Variants in LIPA observed in about 807,000 individuals in gnomAD.
LIPA encodes lysosomal acid lipase/cholesteryl ester hydrolase.
A neutral mutation model predicts 40.6 loss-of-function variants in LIPA; 26 were observed. The ratio of observed to expected loss-of-function variants is 0.64; its 90% CI spans 0.47 to 0.89. The LOEUF is 0.89. Ranked by LOEUF, LIPA falls within the 40% of genes least tolerant of loss-of-function variation. The probability of loss-of-function intolerance (pLI) is 0.00; values close to 1 mark genes in which losing one functional copy is unlikely to be tolerated. For missense variants in LIPA, 455 were observed against 479.6 expected, an observed-to-expected ratio of 0.95 and a Z score of 0.48; for synonymous variants, 188 against 168.4, an observed-to-expected ratio of 1.12 and a Z score of -0.90.
intron 1 of LIPA, among the ~76,000 whole-genome samples, chr10:89,248,107 C>T (rs1000475452): frequency 6.6e-6 from 1 of 151,350 alleles, no homozygotes; most frequent in Non-Finnish European, 1.5e-5. Context: ...CTTCGTGATT[C>T]GCCCACCTCG....
chr10:89,346,477 T>G (rs996765679), upstream of LIPA, among the ~76,000 whole-genome samples: 4 of 152,240 alleles, frequency 2.6e-5, no homozygotes, highest in Non-Finnish European at 5.9e-5. Flanking sequence ...CAACTAGAGT[T>G]TGATGAATAA....
chr10:89,348,196 T>C (rs1437074366), intron 2 of LIPA, among the ~76,000 whole-genome samples: 2 of 152,302 alleles, frequency 1.3e-5, no homozygotes, highest in Middle Eastern at 3.4e-3. Context: ...AAAGACAGCG[T>C]GGGAAGATTT....
intron 1 of LIPA, among the ~76,000 whole-genome samples, chr10:89,331,986 A>G (rs1220133579): frequency 1.3e-5 from 2 of 151,964 alleles, no homozygotes; most frequent in Non-Finnish European, 2.9e-5. Flanking sequence ...TAATCCCAGC[A>G]CTTTGGGAGG....
intron 3 of LIPA, among the ~76,000 whole-genome samples, chr10:89,235,325 A>G (rs1842891246): frequency 6.6e-6 from 1 of 152,184 alleles, no homozygotes; most frequent in Admixed American, 6.5e-5. Context: ...TGGCTCTGGG[A>G]GTTCTGTGCA....
At chr10:89,224,726 A>G (rs1383579734) in intron 6 of LIPA, among the ~76,000 whole-genome samples, 2 of 152,108 alleles carry the variant, frequency 1.3e-5, no homozygotes, top group Non-Finnish European at 2.9e-5. Flanking sequence ...GGCTTTTGGG[A>G]ACATTTCCTA....
chr10:89,290,033 G>A (rs1253464330), intron 1 of LIPA, among the ~76,000 whole-genome samples: 2 of 151,426 alleles, frequency 1.3e-5, no homozygotes, highest in Admixed American at 1.3e-4. Flanking sequence ...CACATGAAGA[G>A]TGCTGTTTTT....
intron 1 of LIPA, among the ~76,000 whole-genome samples, chr10:89,294,374 C>T (rs775100133): frequency 2.0e-5 from 3 of 152,158 alleles, no homozygotes; most frequent in Non-Finnish European, 4.4e-5. Flanking sequence ...CTGGAAAGTC[C>T]AAGATCAAGG....
At chr10:89,335,467 A>G (rs143827883) in intron 1 of LIPA, 167 of 151,882 alleles carry the variant, frequency 1.1e-3, no homozygotes, top group African/African-American at 3.9e-3. Flanking sequence ...CAGAGGGAGA[A>G]TCTTGAGCTA....
intron 1 of LIPA, among the ~76,000 whole-genome samples, chr10:89,341,402 G>A (rs1030254234): frequency 1.3e-5 from 2 of 152,206 alleles, no homozygotes; most frequent in African/African-American, 4.8e-5. Context: ...GTCAGACCTG[G>A]ACAGCAAAGG....
At chr10:89,312,484 T>C (rs1024979607) in intron 1 of LIPA, among the ~76,000 whole-genome samples, 1 of 152,084 alleles carries the variant, frequency 6.6e-6, no homozygotes, top group Non-Finnish European at 1.5e-5. Flanking sequence ...AAAGACTTTC[T>C]AGAATCACTT....
rs551102045 is a variant in LIPA at position 89,280,329 on chromosome 10, C to T, written c.-1-32680G>A. ...AAAAAACAAAAGGAAGAATCTCCCT[C>T]CATAGTCAGGTAAAAAGTGAACGTG... is the stretch of plus-strand genomic sequence containing the variant. On this transcript the variant is annotated intron_variant, in intron 1 of 5. Transcript: ENST00000282673. Among the ~76,000 whole-genome samples the T allele has an allele frequency of 1.6e-4, 25 of 152,272 alleles. 1 individual carries two copies. The South Asian group carries it at 5.0e-3, about 30-fold the overall frequency.
intron 4 of LIPA, 82 bp from the exon 5 acceptor site, chr10:89,227,086 T>C: frequency 1.1e-6 from 1 of 905,934 alleles, no homozygotes; most frequent in Non-Finnish European, 1.9e-6. Flanking sequence ...GTTTGATGAG[T>C]TATCACAAAC....
At chr10:89,285,709 C>A (rs1258721696) in intron 1 of LIPA, among the ~76,000 whole-genome samples, 1 of 151,840 alleles carries the variant, frequency 6.6e-6, no homozygotes, top group African/African-American at 2.4e-5. Flanking sequence ...GGGCAAGGAC[C>A]CCCTACCCCT....
At chr10:89,324,130 A>G (rs1325896554) in intron 1 of LIPA, among the ~76,000 whole-genome samples, 2 of 152,174 alleles carry the variant, frequency 1.3e-5, no homozygotes, top group African/African-American at 2.4e-5. Context: ...TTTGAACTAT[A>G]CTACAAGGCT....
chr10:89,242,488 G>A (rs1234553978), intron 3 of LIPA, among the ~76,000 whole-genome samples: 1 of 152,204 alleles, frequency 6.6e-6, no homozygotes, highest in Admixed American at 6.5e-5. Context: ...GCAGAGAAAA[G>A]AGCAGTTAGG....
chr10:89,225,284 G>GA, intron 5 of LIPA, 56 bp from the exon 6 acceptor site: 3 of 1,610,436 alleles, frequency 1.9e-6, no homozygotes, highest in African/African-American at 1.3e-5. Context: ...TTCCTTCTCA[G>GA]AAAACACAAA....
intron 1 of LIPA, chr10:89,332,763 T>C: frequency 1.1e-6 from 1 of 927,288 alleles, no homozygotes. Flanking sequence ...TACCAATTCA[T>C]GCATTTTTAT....
At chr10:89,306,701 G>A in intron 1 of LIPA, 1 of 1,614,146 alleles carries the variant, frequency 6.2e-7, no homozygotes, top group Middle Eastern at 1.6e-4. Context: ...TGTAACAGAT[G>A]TTCTTCGCAG....
chr10:89,382,203 A>G (rs1844168638), intron 2 of LIPA, among the ~76,000 whole-genome samples: 1 of 152,226 alleles, frequency 6.6e-6, no homozygotes, highest in African/African-American at 2.4e-5. Context: ...TTTTTGCTAT[A>G]CATTGCCATA....
Sources: allele counts gnomAD v4.1 joint callset (sites outside exome capture counted in the v4.1 genomes callset), GRCh38; gene constraint gnomAD v4.1.1; transcripts MANE v1.5; gene names NCBI Gene and HGNC (gene_info 2026-07-23, HGNC 2026-07-21).